The following RAI14 variants were observed in gnomAD, a reference collection of about 807,000 sequenced individuals.
The protein encoded by RAI14 is retinoic acid induced 14.
In RAI14, 45 loss-of-function variants were observed where a neutral mutation model predicts 115.4. That is an observed-to-expected ratio of 0.39 (90% CI 0.31 to 0.50). RAI14 has a LOEUF of 0.50. Among genes scored for constraint, RAI14 ranks in the 20% least tolerant of loss-of-function variants. The pLI is 0.85. For missense variants in RAI14, 939 were observed against 1,131.2 expected (o/e 0.83, Z 2.44); for synonymous variants, 371 against 415.4 (o/e 0.89, Z 1.30).
chr5:34,673,623 G>A (rs1026197978), intron 1 of RAI14, among the ~76,000 whole-genome samples: 1 of 152,182 alleles, frequency 6.6e-6, no homozygotes, highest in Non-Finnish European at 1.5e-5. Context: ...AAGTGTCAGA[G>A]ACCCAACTTG....
intron 2 of RAI14, among the ~76,000 whole-genome samples, chr5:34,721,291 GTATATATATATA>G (rs10538679): frequency 0.2 from 25,896 of 131,138 alleles, 3,173 homozygotes; most frequent in Non-Finnish European, 0.26. Context: ...ATGTAGATGT[GTATATATATATA>G]TATATATATA....
At chr5:34,777,694 G>A (rs532598776) in intron 3 of RAI14, among the ~76,000 whole-genome samples, 170 of 152,198 alleles carry the variant, frequency 1.1e-3, no homozygotes, top group Middle Eastern at 6.8e-3. Context: ...CAGGAGAATC[G>A]CTTGAACCCG....
Position 34,823,113 on chromosome 5 carries a change from C to G in RAI14, c.1271C>G (p.Thr424Ser). The change falls in exon 15 of 18, where the codon ACT becomes AGT. Residue 424 changes from threonine (T) to serine (S), a missense_variant. Thr to Ser is a moderately conservative substitution (Grantham distance 58). Coordinates refer to ENST00000265109, the MANE Select transcript of RAI14 (RefSeq NM_015577.3). This position sits in a 1 kb window ranked among gnomAD's most constrained non-coding sequence, Gnocchi z 4.5. ...SVLIHSLGKS[T>S]TDNDVRIQQL... The stretch of plus-strand genomic sequence containing the variant: ...TTAATACATTCTTTAGGTAAATCCA[C>G]TACTGACAATGATGTCAGAATTCAG... 6.2e-7 allele frequency: 1 copy of G among 1,612,640 alleles called. No individual in the cohort carries two copies. The highest frequency in any genetic ancestry group is 8.5e-7 in the Non-Finnish European group (1 of 1,178,664).
intron 2 of RAI14, chr5:34,716,103 T>TA (rs1490191246): frequency 2.3e-6 from 1 of 442,634 alleles, no homozygotes. Context: ...CCTGATAACA[T>TA]ACATCTGCAG....
chr5:34,753,912 C>CAAAA (rs34458773), intron 2 of RAI14, among the ~76,000 whole-genome samples: 18 of 117,246 alleles, frequency 1.5e-4, no homozygotes, highest in African/African-American at 5.3e-4. Flanking sequence ...GACTCTATCT[C>CAAAA]AAAAAAAAAA....
At chr5:34,727,898 C>T (rs1182950961) in intron 2 of RAI14, among the ~76,000 whole-genome samples, 1 of 152,154 alleles carries the variant, frequency 6.6e-6, no homozygotes, top group Non-Finnish European at 1.5e-5. Flanking sequence ...ACAGAGTCCC[C>T]ACTGGGGCAC....
intron 3 of RAI14, among the ~76,000 whole-genome samples, chr5:34,779,303 A>G (rs1751300702): frequency 6.6e-6 from 1 of 152,182 alleles, no homozygotes; most frequent in African/African-American, 2.4e-5. Flanking sequence ...TTCCCTTTGA[A>G]AACTGGCACA....
At chr5:34,803,070 G>A (rs141417666) in intron 4 of RAI14, among the ~76,000 whole-genome samples, 113 of 152,326 alleles carry the variant, frequency 7.4e-4, no homozygotes, top group Middle Eastern at 3.4e-3. Context: ...TATAGACACA[G>A]GATGTTTGGC....
intron 12 of RAI14, among the ~76,000 whole-genome samples, chr5:34,818,526 A>T (rs1469547878): frequency 6.6e-6 from 1 of 152,220 alleles, no homozygotes; most frequent in East Asian, 1.9e-4. Context: ...ATATATTTGC[A>T]TTGTACTCAC....
At position 34,808,618 on chromosome 5, in the gene RAI14, C is replaced by T; in HGVS notation, c.414C>T (p.Leu138=). ...GCTGCCTTCAAGCTGTGCAGATTCT[C>T]TGCGAACACAAGAGCCCCATAAACC... is the stretch of plus-strand genomic sequence containing the variant. The part of the protein sequence containing the change: ...AQGCLQAVQI[L]CEHKSPINLK... The change falls in exon 7 of 18, where the codon CTC becomes CTT. Residue 138 remains leucine, a synonymous_variant. Coordinates refer to ENST00000265109, the MANE Select transcript of RAI14 (RefSeq NM_015577.3). The T allele has an allele frequency of 6.2e-7, 1 of 1,614,218 alleles. No homozygotes were observed. Among genetic ancestry groups the T allele is most frequent in the South Asian group, 1.1e-5 (1 of 91,080 alleles).
At chr5:34,733,330 C>G (rs1178087288) in intron 2 of RAI14, 1 of 152,180 alleles carries the variant, frequency 6.6e-6, no homozygotes, top group Admixed American at 6.5e-5. Context: ...GATCTGAGCC[C>G]AGGTCTGTGT....
At chr5:34,696,383 G>A (rs556287594) in intron 2 of RAI14, among the ~76,000 whole-genome samples, 6 of 152,064 alleles carry the variant, frequency 3.9e-5, no homozygotes, top group South Asian at 2.1e-4. Flanking sequence ...TGATCCACCC[G>A]CCTCAGCCTC....
chr5:34,705,930 C>G (rs1016800403), intron 2 of RAI14, among the ~76,000 whole-genome samples: 1 of 152,112 alleles, frequency 6.6e-6, no homozygotes, highest in African/African-American at 2.4e-5. Context: ...TACAGGCATG[C>G]GCCACCACGC....
rs190382052 is a variant in RAI14, at chr5:34,753,413, A to G, written c.37-4055A>G. On this transcript the variant is annotated intron_variant, in intron 2 of 17. Transcript: ENST00000265109. ...AGGATTTGCTTCTGGATTCCAAAGA[A>G]TGACTCAAAGTGCTTATTGAACATC... Among the ~76,000 whole-genome samples, 10 of 152,288 alleles carry G rather than the reference A, an allele frequency of 6.6e-5. No homozygotes were observed. The East Asian group carries it at 1.7e-3, about 26-fold the overall frequency.
chr5:34,747,120 A>T, intron 2 of RAI14, among the ~76,000 whole-genome samples: 1 of 152,200 alleles, frequency 6.6e-6, no homozygotes, highest in East Asian at 1.9e-4. Flanking sequence ...GTGAAAACCA[A>T]CTAATACAGT....
chr5:34,740,355 A>C (rs978520361), intron 2 of RAI14, among the ~76,000 whole-genome samples: 3 of 152,184 alleles, frequency 2.0e-5, no homozygotes, highest in Non-Finnish European at 4.4e-5. Flanking sequence ...GTATTACTTG[A>C]GTCGAATTTT....
intron 2 of RAI14, chr5:34,687,591 A>G: frequency 2.6e-6 from 4 of 1,513,248 alleles, no homozygotes; most frequent in Non-Finnish European, 2.7e-6. Flanking sequence ...GTTGTACACG[A>G]TAATATTTTT....
chr5:34,669,767 A>C (rs1052730028), intron 1 of RAI14, among the ~76,000 whole-genome samples: 4 of 152,230 alleles, frequency 2.6e-5, no homozygotes, highest in Non-Finnish European at 5.9e-5. Context: ...AGGAACAGAA[A>C]TGTCCTAATG....
chr5:34,820,798 A>G (rs139373974), intron 13 of RAI14, among the ~76,000 whole-genome samples: 111 of 152,312 alleles, frequency 7.3e-4, no homozygotes, highest in African/African-American at 2.5e-3. Flanking sequence ...TTAAGTTGCA[A>G]TTTCAGCATG....
Sources: gnomAD v4.1 joint callset for allele counts (sites outside exome capture counted in the v4.1 genomes callset) on GRCh38, gnomAD v4.1.1 for gene constraint, Gnocchi (gnomAD v3.1) non-coding constraint, MANE v1.5 for transcripts, NCBI Gene and HGNC (gene_info 2026-07-23, HGNC 2026-07-21) for gene names.